The following CNTNAP2 variants were observed in gnomAD, a reference collection of about 807,000 sequenced individuals.
CNTNAP2 encodes contactin associated protein 2.
CNTNAP2 carries 98 observed loss-of-function variants against 155.2 expected under a neutral mutation model. The ratio of observed to expected loss-of-function variants is 0.63; its 90% confidence interval spans 0.54 to 0.75. The LOEUF is 0.75. Among genes scored for constraint, CNTNAP2 ranks in the 30% least tolerant of loss-of-function variants. The pLI is 0.00. For synonymous variants in CNTNAP2, 651 were observed against 631.2 expected (o/e 1.03, Z -0.47); for missense variants, 1,727 against 1,688.1 (o/e 1.02, Z -0.40).
At chr7:148,054,964 C>T (rs538049092) in intron 15 of CNTNAP2, among the ~76,000 whole-genome samples, 3 of 151,130 alleles carry the variant, frequency 2.0e-5, no homozygotes, top group African/African-American at 7.3e-5. Context: ...CTCACTGCAA[C>T]CTCTTCCTCC....
At chr7:147,705,924 T>C (rs1796307182) in intron 13 of CNTNAP2, among the ~76,000 whole-genome samples, 3 of 152,126 alleles carry the variant, frequency 2.0e-5, no homozygotes, top group Admixed American at 2.0e-4. Flanking sequence ...ACCTCTGCTT[T>C]CAGTCTGTGT....
rs183848293 is a variant in CNTNAP2 at position 146,330,695 on chromosome 7, G to C, written c.97+213722G>C. ...AGAAAGACCAAAAACCCTGAGGCTG[G>C]TTTATACTTGGCTGTTGGAGGAAAA... is the stretch of plus-strand genomic sequence containing the variant. On this transcript the variant is annotated intron_variant, in intron 1 of 23. Transcript: ENST00000361727. Among the ~76,000 whole-genome samples, 5 of 152,264 alleles carry C rather than the reference G, an allele frequency of 3.3e-5. No individual in the cohort carries two copies. The East Asian group carries it at 7.7e-4, about 24-fold the overall frequency.
In CNTNAP2 at chr7:148,157,819, A is replaced by C. The variant is rs148984716; in HGVS notation, c.2773+10110A>C. On this transcript the variant is annotated intron_variant, in intron 17 of 23. Coordinates refer to ENST00000361727, the MANE Select transcript of CNTNAP2 (RefSeq NM_014141.6). ...TCGTAATTAGAAACCATTGCCATAC[A>C]TTAAAGAGTAAATTAATTTGCTGGA... 3.9e-5 allele frequency among the ~76,000 whole-genome samples: 6 copies of C among 152,352 alleles called. No homozygotes were observed. In the East Asian group the frequency reaches 1.2e-3, roughly 29 times the overall value.
chr7:146,305,836 A>G (rs1390115715), intron 1 of CNTNAP2, among the ~76,000 whole-genome samples: 2 of 152,144 alleles, frequency 1.3e-5, no homozygotes, highest in Non-Finnish European at 2.9e-5. Flanking sequence ...AATTAAAAGA[A>G]CTAGAGAAGC....
chr7:147,242,618 C>T lies in CNTNAP2; in HGVS notation c.1349-57523C>T, dbSNP rs1015867137. ...TACCCCGATCGTTTTGCTGCCTGTA[C>T]CTCAAAGTTTTCCTTATCGCTCTTT... On this transcript the variant is annotated intron_variant, in intron 8 of 23. Transcript: ENST00000361727. 2.4e-4 allele frequency among the ~76,000 whole-genome samples: 36 copies of T among 152,204 alleles called. No individual in the cohort carries two copies. The Middle Eastern group carries it at 0.01, about 43-fold the overall frequency.
intron 10 of CNTNAP2, among the ~76,000 whole-genome samples, chr7:147,406,778 A>T (rs1179374607): frequency 6.6e-6 from 1 of 152,242 alleles, no homozygotes; most frequent in African/African-American, 2.4e-5. Flanking sequence ...TGGTTTTGAA[A>T]AATGAGTCTG....
At chr7:146,775,281 T>C (rs926594095) in intron 2 of CNTNAP2, among the ~76,000 whole-genome samples, 2 of 152,150 alleles carry the variant, frequency 1.3e-5, no homozygotes, top group East Asian at 3.9e-4. Flanking sequence ...TGTTGCATCC[T>C]TGAAAATTGC....
chr7:148,168,377 C>T (rs1805712143), intron 17 of CNTNAP2, among the ~76,000 whole-genome samples: 1 of 152,094 alleles, frequency 6.6e-6, no homozygotes, highest in African/African-American at 2.4e-5. Context: ...GAATACTACG[C>T]AGCCATAAAA....
At chr7:146,357,036 T>C (rs1487072988) in intron 1 of CNTNAP2, among the ~76,000 whole-genome samples, 2 of 152,212 alleles carry the variant, frequency 1.3e-5, no homozygotes, top group Non-Finnish European at 2.9e-5. Context: ...GAAGTTATTA[T>C]AACATCTTGT....
At chr7:146,407,894 G>T in intron 1 of CNTNAP2, among the ~76,000 whole-genome samples, 1 of 151,974 alleles carries the variant, frequency 6.6e-6, no homozygotes, top group African/African-American at 2.4e-5. Flanking sequence ...TTCACTTAAT[G>T]AATATAAAAT....
At chr7:146,528,364 C>G (rs1797721456) in intron 1 of CNTNAP2, among the ~76,000 whole-genome samples, 1 of 152,150 alleles carries the variant, frequency 6.6e-6, no homozygotes, top group Admixed American at 6.6e-5. Context: ...AACTGCAAAG[C>G]AGTGTAACAC....
intron 8 of CNTNAP2, among the ~76,000 whole-genome samples, chr7:147,285,615 A>G (rs763736032): frequency 2.6e-5 from 4 of 152,058 alleles, no homozygotes; most frequent in Non-Finnish European, 5.9e-5. Flanking sequence ...TTTGCATTGC[A>G]TCTATAATAC....
intron 15 of CNTNAP2, among the ~76,000 whole-genome samples, chr7:148,018,581 T>C (rs888575365): frequency 6.6e-6 from 1 of 152,210 alleles, no homozygotes; most frequent in African/African-American, 2.4e-5. Flanking sequence ...AAGTTATGGA[T>C]GAAACTACAG....
intron 14 of CNTNAP2, among the ~76,000 whole-genome samples, chr7:147,973,447 G>C (rs1484734463): frequency 6.6e-6 from 1 of 152,092 alleles, no homozygotes; most frequent in African/African-American, 2.4e-5. Flanking sequence ...GAATATCTGA[G>C]TGTTATTACT....
chr7:147,166,600 T>G (rs1392116731), intron 8 of CNTNAP2, among the ~76,000 whole-genome samples: 3 of 152,148 alleles, frequency 2.0e-5, no homozygotes, highest in Non-Finnish European at 1.5e-5. Flanking sequence ...AGGCTTTGTG[T>G]GAGCAATAAA....
intron 15 of CNTNAP2, among the ~76,000 whole-genome samples, chr7:148,104,196 G>A (rs932430650): frequency 6.6e-6 from 1 of 152,092 alleles, no homozygotes; most frequent in Non-Finnish European, 1.5e-5. Context: ...ACTGTTTTCA[G>A]CAGGAAAATC....
chr7:147,459,337 G>C lies in CNTNAP2; in HGVS notation c.1671-26598G>C, dbSNP rs546505400. Among the ~76,000 whole-genome samples the C allele has an allele frequency of 3.9e-4, 60 of 152,228 alleles. No individual in the cohort carries two copies. In the South Asian group the frequency reaches 0.012, roughly 30 times the overall value. ...AGCTGCCTTGTACCTCCAGTTCTATGATTTCACTCTGGATACTGCTAGAAA... is the reference window on the plus strand; with the variant it reads ...AGCTGCCTTGTACCTCCAGTTCTATCATTTCACTCTGGATACTGCTAGAAA... On this transcript the variant is annotated intron_variant, in intron 10 of 23. Transcript: ENST00000361727.
At chr7:147,287,036 A>G (rs1805195220) in intron 8 of CNTNAP2, among the ~76,000 whole-genome samples, 1 of 152,138 alleles carries the variant, frequency 6.6e-6, no homozygotes, top group South Asian at 2.1e-4. Flanking sequence ...GCATGGTGAG[A>G]AATATTTTAT....
intron 16 of CNTNAP2, among the ~76,000 whole-genome samples, chr7:148,120,892 C>T (rs1185677034): frequency 6.6e-6 from 1 of 152,072 alleles, no homozygotes; most frequent in Non-Finnish European, 1.5e-5. Flanking sequence ...AAAGGAGCCT[C>T]ATGGAGAGGG....
Sources: gnomAD v4.1 joint callset for allele counts (sites outside exome capture counted in the v4.1 genomes callset) on GRCh38, gnomAD v4.1.1 for gene constraint, MANE v1.5 for transcripts, NCBI Gene and HGNC (gene_info 2026-07-23, HGNC 2026-07-21) for gene names.